Variants in TRIM2 observed in about 807,000 individuals in gnomAD.
TRIM2 encodes the protein tripartite motif-containing protein 2.
TRIM2 carries 20 observed loss-of-function variants against 75.2 expected under a neutral mutation model. The observed-to-expected ratio is 0.27, with a 90% confidence interval of 0.19 to 0.39. The LOEUF (loss-of-function observed/expected upper bound fraction) is 0.39, where lower values mean the gene tolerates loss of function less well. TRIM2 is among the 10% of genes least tolerant of loss of function. The pLI, the probability that TRIM2 is intolerant of heterozygous loss-of-function variation, is 1.00. For synonymous variants in TRIM2, 373 were observed against 388.3 expected, an observed-to-expected ratio of 0.96 and a Z score of 0.46; for missense variants, 660 against 990.8, an observed-to-expected ratio of 0.67 and a Z score of 4.48.
chr4:153,210,823 A>G (rs985288719), intron 1 of TRIM2, among the ~76,000 whole-genome samples: 1 of 152,190 alleles, frequency 6.6e-6, no homozygotes, highest in Non-Finnish European at 1.5e-5. Flanking sequence ...AAGAAAATGA[A>G]AAGACCCCAT....
chr4:153,224,675 C>T (rs979460382), intron 1 of TRIM2, among the ~76,000 whole-genome samples: 28 of 152,230 alleles, frequency 1.8e-4, no homozygotes, highest in African/African-American at 5.8e-4. Context: ...AATTCTATGT[C>T]GATTAAATCC....
rs116472166 is a variant in TRIM2 at position 153,295,669 on chromosome 4, C to T, written c.1143C>T (p.Asp381=). Reference sequence around the variant, plus strand: ...TCACCATCACCACCAAGGACAAAGACGGTGAGCTGTGCAAAACCGGCAACG... The same window carrying T: ...TCACCATCACCACCAAGGACAAAGATGGTGAGCTGTGCAAAACCGGCAACG... The part of the protein sequence containing the change: ...MSVTITTKDK[D]GELCKTGNAY... The change falls in exon 6 of 12, where the codon GAC becomes GAT. Residue 381 remains aspartate (D), a synonymous_variant. Transcript: ENST00000338700. The surrounding 1 kb of genome is among the most constrained non-coding windows in gnomAD (Gnocchi z 7.2). 9.1e-5 allele frequency: 147 copies of T among 1,614,046 alleles called. No individual in the cohort carries two copies. In the East Asian group the frequency reaches 1.9e-3, roughly 21 times the overall value.
At chr4:153,216,280 T>C (rs1480918326) in intron 1 of TRIM2, among the ~76,000 whole-genome samples, 1 of 152,186 alleles carries the variant, frequency 6.6e-6, no homozygotes, top group Admixed American at 6.5e-5. Context: ...TTCAAGAAAA[T>C]ATTACAAGAA....
chr4:153,229,481 T>C (rs923844901), intron 1 of TRIM2, among the ~76,000 whole-genome samples: 1 of 152,118 alleles, frequency 6.6e-6, no homozygotes, highest in African/African-American at 2.4e-5. Context: ...TCGTCTCAAA[T>C]TCCTGACCTC....
intron 1 of TRIM2, among the ~76,000 whole-genome samples, chr4:153,244,126 CTTCTTCTTCTTCTTCT>C (rs2149860303): frequency 6.9e-6 from 1 of 145,670 alleles, no homozygotes; most frequent in East Asian, 2.0e-4. Flanking sequence ...CTGCCATCTT[CTTCTTCTTCTTCTTCT>C]TGTTCTTCTT....
At chr4:153,230,384 G>T (rs1743301496) in intron 1 of TRIM2, among the ~76,000 whole-genome samples, 1 of 152,064 alleles carries the variant, frequency 6.6e-6, no homozygotes, top group African/African-American at 2.4e-5. Flanking sequence ...GTTTTGACAT[G>T]CTGTCCAGGC....
chr4:153,186,598 G>A (rs1289137451), intron 1 of TRIM2, among the ~76,000 whole-genome samples: 3 of 152,114 alleles, frequency 2.0e-5, no homozygotes, highest in Non-Finnish European at 4.4e-5. Flanking sequence ...TCTTCTCCTC[G>A]AGTTACACAG....
chr4:153,213,881 A>AT (rs1405059728), intron 1 of TRIM2, among the ~76,000 whole-genome samples: 12 of 152,248 alleles, frequency 7.9e-5, no homozygotes, highest in South Asian at 6.2e-4. Flanking sequence ...ACCTACTATT[A>AT]TTACCATTTA....
At chr4:153,242,184 A>G (rs1746803577) in intron 1 of TRIM2, among the ~76,000 whole-genome samples, 1 of 152,330 alleles carries the variant, frequency 6.6e-6, no homozygotes, top group East Asian at 1.9e-4. Context: ...AGTCTGCACA[A>G]CTGCTAATGA....
In TRIM2 at chr4:153,250,817, G is replaced by A. The variant is rs544945688; in HGVS notation, c.31-19518G>A. Among the ~76,000 whole-genome samples the A allele has an allele frequency of 1.1e-4, 17 of 152,290 alleles. No individual in the cohort carries two copies. In the East Asian group the frequency reaches 1.5e-3, roughly 14 times the overall value. ...GTCACCTTTACTGCAAATACAGCCCGGCTGCAAAGGGCTATCCTGATCCTT... is the reference window on the plus strand; with the variant it reads ...GTCACCTTTACTGCAAATACAGCCCAGCTGCAAAGGGCTATCCTGATCCTT... On this transcript the variant is annotated intron_variant, in intron 1 of 11. Transcript: ENST00000338700.
At chr4:153,308,177 C>G in intron 6 of TRIM2, 3 of 1,383,858 alleles carry the variant, frequency 2.2e-6, no homozygotes, top group Non-Finnish European at 3.1e-6. Context: ...CATAGAGATC[C>G]CGGGCATCTT....
At chr4:153,277,567 A>G (rs1758309251) in intron 3 of TRIM2, among the ~76,000 whole-genome samples, 1 of 152,210 alleles carries the variant, frequency 6.6e-6, no homozygotes, top group Admixed American at 6.5e-5. Flanking sequence ...TTTGCCAGAC[A>G]CCGTATTTGG....
intron 1 of TRIM2, among the ~76,000 whole-genome samples, chr4:153,263,208 G>A (rs1314775358): frequency 2.0e-5 from 3 of 152,010 alleles, no homozygotes; most frequent in Non-Finnish European, 4.4e-5. Context: ...GCCCACTTGT[G>A]GTCCCAGCTA....
chr4:153,324,202 T>A, intron 10 of TRIM2, 54 bp downstream of exon 10: 1 of 1,511,160 alleles, frequency 6.6e-7, no homozygotes, highest in South Asian at 1.2e-5. Flanking sequence ...ATGGAGAAAT[T>A]GGTCTGCGAG....
chr4:153,270,258 T>C (rs1165464827), intron 1 of TRIM2, 77 bp from the exon 2 acceptor site: 2 of 1,511,672 alleles, frequency 1.3e-6, no homozygotes, highest in Non-Finnish European at 1.8e-6. Flanking sequence ...GCACAATGCT[T>C]ATGGTGAAAG....
At chr4:153,288,036 G>T (rs1761040427) in intron 3 of TRIM2, among the ~76,000 whole-genome samples, 1 of 151,976 alleles carries the variant, frequency 6.6e-6, no homozygotes, top group Non-Finnish European at 1.5e-5. Flanking sequence ...GGATAGTTTT[G>T]CCAGATAAAA....
chr4:153,218,466 T>A (rs1240532900), intron 1 of TRIM2, among the ~76,000 whole-genome samples: 1 of 152,212 alleles, frequency 6.6e-6, no homozygotes, highest in African/African-American at 2.4e-5. Context: ...CACCTTGGTC[T>A]CCCAAAGTGC....
chr4:153,328,386 G>A lies in TRIM2; in HGVS notation c.2023-144G>A, dbSNP rs1014287368. On this transcript the variant is annotated intron_variant, in intron 10 of 11. Coordinates refer to ENST00000338700, the MANE Select transcript of TRIM2 (RefSeq NM_015271.5). ...ACCACAATGATATGCAGTCTGTCTT[G>A]TAGATTTCATTTTCTTTTTTTAGAA... is the stretch of plus-strand genomic sequence containing the variant. 2.1e-5 allele frequency: 15 copies of A among 712,072 alleles called. No homozygotes were observed. The African/African-American group carries it at 2.4e-4, about 11-fold the overall frequency. The allele number at this position is 712,072 out of a possible 1,614,324, so 44.1% of individuals were successfully genotyped here.
intron 3 of TRIM2, among the ~76,000 whole-genome samples, chr4:153,290,139 T>C (rs1334496412): frequency 2.0e-5 from 3 of 152,208 alleles, no homozygotes; most frequent in Non-Finnish European, 4.4e-5. Flanking sequence ...GGAATTATGT[T>C]TCACAAACCC....
Sources: gnomAD v4.1 joint callset for allele counts (sites outside exome capture counted in the v4.1 genomes callset) on GRCh38, gnomAD v4.1.1 for gene constraint, Gnocchi (gnomAD v3.1) non-coding constraint, MANE v1.5 for transcripts, NCBI Gene and HGNC (gene_info 2026-07-23, HGNC 2026-07-21) for gene names.